DCC: variants seen among roughly 807,000 people sequenced by gnomAD.
The protein encoded by DCC is DCC netrin 1 receptor, also known as netrin receptor DCC.
In DCC, 58 loss-of-function variants were observed where a neutral mutation model predicts 172.5. The observed-to-expected ratio is 0.34, with a 90% CI of 0.27 to 0.42. The LOEUF is 0.42. Among genes scored for constraint, DCC ranks in the 10% least tolerant of loss-of-function variants. DCC has a pLI of 1.00. For synonymous variants in DCC, 709 were observed against 644.5 expected (o/e 1.10, Z -1.52); for missense variants, 1,740 against 1,791.0 (o/e 0.97, Z 0.51).
intron 26 of DCC, among the ~76,000 whole-genome samples, chr18:53,494,381 T>TATC (rs1199990167): frequency 1.3e-5 from 2 of 152,232 alleles, no homozygotes; most frequent in African/African-American, 4.8e-5. Flanking sequence ...GTTAATTTTC[T>TATC]ATCTCATTGA....
At chr18:52,545,334 C>A (rs981833314) in intron 1 of DCC, among the ~76,000 whole-genome samples, 2 of 152,178 alleles carry the variant, frequency 1.3e-5, no homozygotes, top group Admixed American at 6.5e-5. Context: ...CAGGCTTTTG[C>A]CTGCCCTGAT....
At chr18:52,638,659 C>A (rs1030082088) in intron 1 of DCC, among the ~76,000 whole-genome samples, 1 of 152,150 alleles carries the variant, frequency 6.6e-6, no homozygotes, top group Admixed American at 6.5e-5. Context: ...ACCTAACACA[C>A]TGGAGCTCCC....
chr18:53,445,052 T>G (rs1912511216), intron 22 of DCC, among the ~76,000 whole-genome samples: 1 of 152,140 alleles, frequency 6.6e-6, no homozygotes, highest in Non-Finnish European at 1.5e-5. Context: ...AAAATCCAAA[T>G]TTTTTTAAAA....
chr18:52,834,516 T>C (rs1392242356), intron 2 of DCC, among the ~76,000 whole-genome samples: 3 of 152,112 alleles, frequency 2.0e-5, no homozygotes, highest in Non-Finnish European at 4.4e-5. Flanking sequence ...TCCGAACTTT[T>C]TGTGTGCCTA....
In DCC at chr18:53,529,020, TCTCTCTCTCTCTCTCTCTCACACA is replaced by T. The variant is rs1369496210; in HGVS notation, c.4255-1542_4255-1519del. On this transcript the variant is annotated intron_variant, in intron 28 of 28. Transcript: ENST00000442544. ...ACTTCAACTTCTCTCTCTCTCTCTC[TCTCTCTCTCTCTCTCTCTCACACA>T]CACACACACACACACACACACACAC... Among the ~76,000 whole-genome samples the T allele has an allele frequency of 1.2e-4, 10 of 85,712 alleles. No individual in the cohort carries two copies. The South Asian group carries it at 3.2e-3, about 28-fold the overall frequency. The allele number at this position is 85,712 out of a possible 152,430, so 56.2% of individuals were successfully genotyped here.
At chr18:52,844,573 A>G (rs186190810) in intron 2 of DCC, among the ~76,000 whole-genome samples, 99 of 152,282 alleles carry the variant, frequency 6.5e-4, no homozygotes, top group Middle Eastern at 3.4e-3. Context: ...TTATTCATTT[A>G]TCTAATATAT....
chr18:53,274,260 T>C (rs894604721), intron 12 of DCC, among the ~76,000 whole-genome samples: 5 of 152,124 alleles, frequency 3.3e-5, no homozygotes, highest in Admixed American at 6.6e-5. Context: ...AGAAGAATCA[T>C]GGCATGTTAT....
chr18:53,071,080 G>C (rs567342452), intron 7 of DCC, among the ~76,000 whole-genome samples: 1 of 151,106 alleles, frequency 6.6e-6, no homozygotes, highest in East Asian at 1.9e-4. Context: ...GCTTGTGGCT[G>C]AGAGTTACTC....
At chr18:52,488,212 T>G (rs945337060) in intron 1 of DCC, among the ~76,000 whole-genome samples, 1 of 152,210 alleles carries the variant, frequency 6.6e-6, no homozygotes, top group Non-Finnish European at 1.5e-5. Flanking sequence ...CAGACTCTTC[T>G]TTGATTAGCT....
chr18:52,987,587 C>A (rs1013299021), intron 5 of DCC, among the ~76,000 whole-genome samples: 1 of 152,084 alleles, frequency 6.6e-6, no homozygotes, highest in Admixed American at 6.5e-5. Context: ...CATTATATCA[C>A]CATTAATATA....
chr18:52,597,820 A>G (rs148885129), intron 1 of DCC, among the ~76,000 whole-genome samples: 113 of 152,352 alleles, frequency 7.4e-4, no homozygotes, highest in African/African-American at 2.6e-3. Flanking sequence ...ATTCTTCTCA[A>G]TAAGCTCTTC....
intron 15 of DCC, among the ~76,000 whole-genome samples, chr18:53,383,852 T>C (rs1273073968): frequency 6.6e-6 from 1 of 152,106 alleles, no homozygotes; most frequent in Admixed American, 6.5e-5. Context: ...GAGGGGATGA[T>C]AGAATATCTC....
intron 1 of DCC, among the ~76,000 whole-genome samples, chr18:52,699,785 T>C (rs2036076947): frequency 6.6e-6 from 1 of 152,190 alleles, no homozygotes. Context: ...CTGAATTGGA[T>C]GTCAGCAGAC....
chr18:52,793,000 T>C (rs921350283), intron 2 of DCC, among the ~76,000 whole-genome samples: 6 of 152,016 alleles, frequency 3.9e-5, no homozygotes, highest in African/African-American at 1.2e-4. Context: ...GAGTGGAAAG[T>C]TTAATAGAAG....
At chr18:52,415,366 C>G (rs1986985791) in intron 1 of DCC, among the ~76,000 whole-genome samples, 1 of 152,208 alleles carries the variant, frequency 6.6e-6, no homozygotes, top group Non-Finnish European at 1.5e-5. Context: ...GTGATATGTT[C>G]TAAGCCTGAA....
intron 1 of DCC, among the ~76,000 whole-genome samples, chr18:52,694,350 A>C (rs1458192523): frequency 1.3e-5 from 2 of 152,098 alleles, no homozygotes; most frequent in Admixed American, 6.6e-5. Flanking sequence ...AAACAATAGG[A>C]CATTAGTGTA....
intron 1 of DCC, among the ~76,000 whole-genome samples, chr18:52,556,221 G>A (rs906689107): frequency 1.3e-5 from 2 of 152,068 alleles, no homozygotes; most frequent in African/African-American, 2.4e-5. Context: ...TGCCCCAGAG[G>A]AGACTTGTTC....
intron 1 of DCC, among the ~76,000 whole-genome samples, chr18:52,720,282 T>G (rs1283711362): frequency 6.6e-6 from 1 of 152,226 alleles, no homozygotes; most frequent in Non-Finnish European, 1.5e-5. Flanking sequence ...CAAGTAGCTC[T>G]TATCTAAAAC....
chr18:53,345,634 A>G (rs1412056944), intron 15 of DCC, among the ~76,000 whole-genome samples: 1 of 151,908 alleles, frequency 6.6e-6, no homozygotes, highest in Non-Finnish European at 1.5e-5. Flanking sequence ...ATCTTCCTTT[A>G]CCATTTCTTT....
Sources: gnomAD v4.1 joint callset for allele counts (sites outside exome capture counted in the v4.1 genomes callset) on GRCh38, gnomAD v4.1.1 for gene constraint, MANE v1.5 for transcripts, NCBI Gene and HGNC (gene_info 2026-07-23, HGNC 2026-07-21) for gene names.